SPART: variants seen among roughly 807,000 people sequenced by gnomAD.
SPART encodes the protein spastic paraplegia 20 (Troyer syndrome).
A neutral mutation model predicts 58.7 loss-of-function variants in SPART; 35 were observed. The observed-to-expected ratio is 0.60, with a 90% CI of 0.46 to 0.79. The LOEUF is 0.79. Ranked by LOEUF, SPART falls within the 30% of genes least tolerant of loss-of-function variation. The pLI is 0.00. For missense variants in SPART, 730 were observed against 786.1 expected (o/e 0.93, Z 0.85); for synonymous variants, 284 against 280.7 (o/e 1.01, Z -0.12).
chr13:36,312,513 A>G lies in SPART; in HGVS notation c.1484-36T>C, dbSNP rs180984925. 2.5e-5 allele frequency: 40 copies of G among 1,599,612 alleles called. No individual in the cohort carries two copies. The East Asian group carries it at 8.9e-4, about 36-fold the overall frequency. On this transcript the variant is annotated intron_variant, in intron 6 of 8. Transcript: ENST00000438666. Reference sequence around the variant, plus strand: ...CATAAAAAAAGAAAACTTAGGAAAAATATATTATTCCCTTGATTTTTACCA... The same window carrying G: ...CATAAAAAAAGAAAACTTAGGAAAAGTATATTATTCCCTTGATTTTTACCA...
In SPART at chr13:36,304,646, A is replaced by T; in HGVS notation, c.1734-14T>A. On this transcript the variant is annotated splice_polypyrimidine_tract_variant and intron_variant, in intron 8 of 8. Transcript: ENST00000438666. ...TTATATCCGTATCTTTAAAAGAAAG[A>T]TTAGAGGACATACAATGAAACAATA... 6.2e-7 allele frequency: 1 copy of T among 1,612,790 alleles called. No individual in the cohort carries two copies. The highest frequency in any genetic ancestry group is 8.5e-7 in the Non-Finnish European group (1 of 1,179,228).
At chr13:36,349,891 A>G (rs977106868), upstream of SPART, among the ~76,000 whole-genome samples, 2 of 152,188 alleles carry the variant, frequency 1.3e-5, no homozygotes, top group African/African-American at 2.4e-5. Context: ...ATTTTGTGGT[A>G]TCTGTAGTAT....
Position 36,317,166 on chromosome 13 carries a change from G to A in SPART, c.1289-2745C>T, listed in dbSNP as rs151090785. 4.8e-3 allele frequency among the ~76,000 whole-genome samples: 725 copies of A among 152,268 alleles called. 7 individuals carry two copies. Among genetic ancestry groups the A allele is most frequent in the African/African-American group, 0.016 (681 of 41,556 alleles). On this transcript the variant is annotated intron_variant, in intron 5 of 8. Coordinates refer to ENST00000438666, the MANE Select transcript of SPART (RefSeq NM_015087.5). ...GATGCCTCTCTGATTATTCACCCAC[G>A]TTTCAAAGGTGTTAGACCACGCAGG...
rs1566123039 is a variant in SPART at position 36,326,445 on chromosome 13, T to G, written c.1288+130A>C. On this transcript the variant is annotated intron_variant, in intron 5 of 8. Transcript: ENST00000438666. ...AAAGACTAGTTCCTTCTACATTTAT[T>G]TCTAAATTGATCATTTAAAACCAAA... 2.8e-6 allele frequency: 3 copies of G among 1,089,960 alleles called. No individual in the cohort carries two copies. In the East Asian group the frequency reaches 7.7e-5, roughly 28 times the overall value. The allele number at this position is 1,089,960 out of a possible 1,614,324, so 67.5% of individuals were successfully genotyped here. A position where few individuals can be genotyped will look rare whatever the true frequency, so the allele number is the denominator to read the frequency against.
chr13:36,359,712 C>T (rs1885762288), intron 1 of SPART, among the ~76,000 whole-genome samples: 1 of 152,120 alleles, frequency 6.6e-6, no homozygotes. Flanking sequence ...AGCACAGATC[C>T]TGAAGCCAGC....
intron 5 of SPART, among the ~76,000 whole-genome samples, chr13:36,323,215 T>TGA (rs1593244363): frequency 6.6e-6 from 1 of 152,174 alleles, no homozygotes; most frequent in African/African-American, 2.4e-5. Context: ...ACTAGGGAGT[T>TGA]GAGAGGGGAC....
At chr13:36,355,962 A>G (rs1885607706) in intron 1 of SPART, among the ~76,000 whole-genome samples, 1 of 152,234 alleles carries the variant, frequency 6.6e-6, no homozygotes, top group Non-Finnish European at 1.5e-5. Context: ...GTTATAGAGA[A>G]TATACACAAA....
intron 2 of SPART, 113 bp downstream of exon 2, chr13:36,334,908 G>A: frequency 1.2e-6 from 1 of 822,094 alleles, no homozygotes; most frequent in Non-Finnish European, 2.0e-6. Flanking sequence ...TAAAAACAAA[G>A]TAGAATTTGT....
intron 2 of SPART, among the ~76,000 whole-genome samples, chr13:36,332,264 AGGT>A (rs1883530055): frequency 6.6e-6 from 1 of 152,052 alleles, no homozygotes; most frequent in Non-Finnish European, 1.5e-5. Flanking sequence ...GGCCAAGGAG[AGGT>A]GGGGGGATTA....
chr13:36,318,139 G>A (rs888741984), intron 5 of SPART, among the ~76,000 whole-genome samples: 4 of 152,012 alleles, frequency 2.6e-5, no homozygotes, highest in East Asian at 3.9e-4. Flanking sequence ...GCCAGGCCGA[G>A]CTAGGTCCCA....
chr13:36,336,922 A>G (rs944968083), intron 1 of SPART, among the ~76,000 whole-genome samples: 1 of 152,220 alleles, frequency 6.6e-6, no homozygotes, highest in Non-Finnish European at 1.5e-5. Context: ...ACCACATACT[A>G]TGATTCTACA....
chr13:36,360,415 G>A (rs963608312), intron 1 of SPART, among the ~76,000 whole-genome samples: 1 of 151,854 alleles, frequency 6.6e-6, no homozygotes, highest in Admixed American at 6.6e-5. Context: ...CAGAGAGGAA[G>A]GTGTTAAGAG....
chr13:36,332,437 G>A (rs1883548440), intron 2 of SPART, among the ~76,000 whole-genome samples: 1 of 152,166 alleles, frequency 6.6e-6, no homozygotes, highest in South Asian at 2.1e-4. Context: ...CTGGGAGGTG[G>A]AAGTTGCAGT....
At chr13:36,339,973 C>A (rs1884418488) in intron 1 of SPART, among the ~76,000 whole-genome samples, 1 of 152,002 alleles carries the variant, frequency 6.6e-6, no homozygotes, top group Admixed American at 6.5e-5. Context: ...GGAAGTGAGG[C>A]AGGAGAATCA....
intron 5 of SPART, among the ~76,000 whole-genome samples, chr13:36,315,251 G>T (rs1274993207): frequency 6.6e-6 from 1 of 152,216 alleles, no homozygotes. Context: ...GAAATGTGGG[G>T]AAAGGAGTGG....
intron 5 of SPART, among the ~76,000 whole-genome samples, chr13:36,317,489 A>G (rs1262795041): frequency 2.1e-5 from 3 of 144,316 alleles, no homozygotes; most frequent in African/African-American, 7.7e-5. Context: ...CTGCGCCCCA[A>G]TCCTTTATTT....
intron 8 of SPART, among the ~76,000 whole-genome samples, chr13:36,311,763 T>G (rs1396961886): frequency 1.3e-5 from 2 of 152,216 alleles, no homozygotes; most frequent in Admixed American, 6.5e-5. Context: ...TAAAAATATC[T>G]TGACCGTCAT....
chr13:36,340,158 C>T (rs956786947), intron 1 of SPART, among the ~76,000 whole-genome samples: 8 of 151,822 alleles, frequency 5.3e-5, no homozygotes, highest in Admixed American at 5.2e-4. Context: ...GTCAGGAGAT[C>T]GAGACCACCC....
chr13:36,347,603 C>A (rs1479237696), upstream of SPART, among the ~76,000 whole-genome samples: 3 of 152,076 alleles, frequency 2.0e-5, no homozygotes, highest in Admixed American at 6.5e-5. Context: ...AGCAGTCAGT[C>A]ATCCCAAAAA....
Sources: allele counts gnomAD v4.1 joint callset (sites outside exome capture counted in the v4.1 genomes callset), GRCh38; gene constraint gnomAD v4.1.1; transcripts MANE v1.5; gene names NCBI Gene and HGNC (gene_info 2026-07-23, HGNC 2026-07-21).